Variants in PTGFRN observed in about 807,000 individuals in gnomAD.
PTGFRN encodes the protein prostaglandin F2 receptor inhibitor, also known as prostaglandin F2 receptor negative regulator.
A neutral mutation model predicts 83.2 loss-of-function variants in PTGFRN; 35 were observed. That is an observed-to-expected ratio of 0.42 (90% CI 0.32 to 0.56). The LOEUF is 0.56. Ranked by LOEUF, PTGFRN falls within the 20% of genes least tolerant of loss-of-function variation. The pLI is 0.11. For synonymous variants in PTGFRN, 519 were observed against 498.6 expected, an observed-to-expected ratio of 1.04 and a Z score of -0.55; for missense variants, 1,051 against 1,179.5, an observed-to-expected ratio of 0.89 and a Z score of 1.60.
At chr1:116,925,236 TG>T (rs1312755994) in intron 1 of PTGFRN, among the ~76,000 whole-genome samples, 1 of 152,052 alleles carries the variant, frequency 6.6e-6, no homozygotes, top group Non-Finnish European at 1.5e-5. Context: ...GAGACCACCC[TG>T]GCCAACATGG....
In PTGFRN at chr1:116,967,335, G is replaced by T; in HGVS notation, c.2059+5G>T. The T allele has an allele frequency of 6.2e-7, 1 of 1,605,184 alleles. No individual in the cohort carries two copies. The highest frequency in any genetic ancestry group is 8.5e-7 in the Non-Finnish European group (1 of 1,173,282). ...AGATAGACTTCCAAACCTCAGGTGA[G>T]CAGTGAGCCCTGTTGAATCATAGGT... On this transcript the variant is annotated splice_donor_5th_base_variant and intron_variant, in intron 6 of 8. Coordinates refer to ENST00000393203, the MANE Select transcript of PTGFRN (RefSeq NM_020440.4).
At chr1:116,910,303 G>C in intron 1 of PTGFRN, 51 bp downstream of exon 1, 1 of 1,289,450 alleles carries the variant, frequency 7.8e-7, no homozygotes, top group Non-Finnish European at 9.8e-7. Flanking sequence ...CGAGGCCCTG[G>C]AGGGCTCGGC....
At chr1:116,966,236 T>G (rs953842844) in intron 5 of PTGFRN, among the ~76,000 whole-genome samples, 1 of 152,248 alleles carries the variant, frequency 6.6e-6, no homozygotes, top group Admixed American at 6.5e-5. Flanking sequence ...GTAATCCACT[T>G]AAACCTAAAG....
rs763542266 is a variant in PTGFRN at position 116,949,223 on chromosome 1, T to A, written c.864T>A (p.Ser288=). ...VLRAAVPKNV[S]VAEGKELDLT... ...GAGCAGCTGTGCCCAAGAATGTGTCTGTGGCTGAAGGAAAGGAACTGGACC... is the reference window on the plus strand; with the variant it reads ...GAGCAGCTGTGCCCAAGAATGTGTCAGTGGCTGAAGGAAAGGAACTGGACC... The change falls in exon 4 of 9, where the codon TCT becomes TCA. Residue 288 remains serine, a synonymous_variant. Transcript: ENST00000393203. 3 of 1,604,438 alleles carry A rather than the reference T, an allele frequency of 1.9e-6. No individual in the cohort carries two copies. In the South Asian group the frequency reaches 3.3e-5, roughly 18 times the overall value.
At chr1:116,979,627 T>C (rs1199155326) in intron 7 of PTGFRN, among the ~76,000 whole-genome samples, 26 of 152,188 alleles carry the variant, frequency 1.7e-4, no homozygotes, top group Non-Finnish European at 3.4e-4. Flanking sequence ...GGGAAAGGAT[T>C]CCCTATTTAA....
intron 3 of PTGFRN, among the ~76,000 whole-genome samples, chr1:116,948,248 ATCT>A (rs1650251066): frequency 6.6e-6 from 1 of 152,194 alleles, no homozygotes; most frequent in Non-Finnish European, 1.5e-5. Context: ...CTCTTTTAAA[ATCT>A]TCTGAATAGA....
chr1:116,978,425 A>G (rs1651219860), intron 7 of PTGFRN, among the ~76,000 whole-genome samples: 1 of 152,186 alleles, frequency 6.6e-6, no homozygotes, highest in Admixed American at 6.5e-5. Flanking sequence ...ACAAAAAAAG[A>G]GAATTTTAGA....
chr1:116,971,337 A>G (rs760039845), intron 6 of PTGFRN, among the ~76,000 whole-genome samples: 1 of 151,994 alleles, frequency 6.6e-6, no homozygotes, highest in East Asian at 1.9e-4. Context: ...TGCTTTCATT[A>G]AAAAAACTGC....
Position 116,967,011 on chromosome 1 carries a change from G to T in PTGFRN, c.1740G>T (p.Ser580=). 6.2e-7 allele frequency: 1 copy of T among 1,614,144 alleles called. No homozygotes were observed. Among genetic ancestry groups the T allele is most frequent in the Non-Finnish European group, 8.5e-7 (1 of 1,180,020 alleles). Residue 580 remains serine, a synonymous_variant, in exon 6 of 9, where the codon TCG becomes TCT. Transcript: ENST00000393203. ...AAGTATCTTCCAAGAATATTAAGTCGCCACGCTACTCTGTTCTCATCATGG... is the reference window on the plus strand; with the variant it reads ...AAGTATCTTCCAAGAATATTAAGTCTCCACGCTACTCTGTTCTCATCATGG... The part of the protein sequence containing the change: ...TCKVSSKNIK[S]PRYSVLIMAE...
chr1:116,971,468 C>T (rs999877803), intron 6 of PTGFRN, among the ~76,000 whole-genome samples: 2 of 152,140 alleles, frequency 1.3e-5, no homozygotes, highest in Admixed American at 6.5e-5. Context: ...CTAGTGACTC[C>T]GGTTGTTCAT....
At chr1:116,983,075 T>C (rs1244248782) in intron 7 of PTGFRN, among the ~76,000 whole-genome samples, 1 of 152,234 alleles carries the variant, frequency 6.6e-6, no homozygotes, top group Non-Finnish European at 1.5e-5. Flanking sequence ...GAGTACTTAC[T>C]GTGTTCCAGG....
rs1281102652 is a variant in PTGFRN at position 116,958,698 on chromosome 1, G to A, written c.1214-2545G>A. Reference sequence around the variant, plus strand: ...TAGTTACTGTCATCCCCATTTGTATGGGTGAGGCACCAGAGATCTGAGTAA... The same window carrying A: ...TAGTTACTGTCATCCCCATTTGTATAGGTGAGGCACCAGAGATCTGAGTAA... On this transcript the variant is annotated intron_variant, in intron 4 of 8. Coordinates refer to ENST00000393203, the MANE Select transcript of PTGFRN (RefSeq NM_020440.4). This position sits in a 1 kb window ranked among gnomAD's most constrained non-coding sequence, Gnocchi z 4.9. 6.6e-6 allele frequency among the ~76,000 whole-genome samples: 1 copy of A among 152,114 alleles called. No homozygotes were observed. Among genetic ancestry groups the A allele is most frequent in the Non-Finnish European group, 1.5e-5 (1 of 68,022 alleles).
intron 8 of PTGFRN, 68 bp from the exon 9 acceptor site, chr1:116,986,733 C>G: frequency 1.3e-6 from 2 of 1,502,704 alleles, no homozygotes; most frequent in East Asian, 2.3e-5. Flanking sequence ...GGAAGGGAGG[C>G]GAGGGTGCCC....
intron 1 of PTGFRN, among the ~76,000 whole-genome samples, chr1:116,924,143 AT>A (rs147663868): frequency 0.019 from 2,222 of 116,126 alleles, 21 homozygotes; most frequent in African/African-American, 0.071. Context: ...CTGTGCATGT[AT>A]TTTTTTTTTT....
intron 4 of PTGFRN, among the ~76,000 whole-genome samples, chr1:116,951,273 T>C (rs555570928): frequency 4.6e-5 from 7 of 152,206 alleles, no homozygotes; most frequent in Non-Finnish European, 8.8e-5. Flanking sequence ...TGGAAGGGAT[T>C]TGTTGGTAGC....
chr1:116,974,505 A>G lies in PTGFRN; in HGVS notation c.2167+182A>G, dbSNP rs375952936. ...AAATACATGTTGAGTGGATGCATCT[A>G]TCTGCTAGATGGTTTGGAAATACAT... On this transcript the variant is annotated intron_variant, in intron 7 of 8. Coordinates refer to ENST00000393203, the MANE Select transcript of PTGFRN (RefSeq NM_020440.4). 45 of 474,932 alleles carry G rather than the reference A, an allele frequency of 9.5e-5. No homozygotes were observed. In the Admixed American group the frequency reaches 1.6e-3, roughly 17 times the overall value. 29.4% of individuals were successfully genotyped at this position (474,932 alleles called of 1,614,324 possible).
rs567320753 is a variant in PTGFRN, at chr1:116,914,103, A to G, written c.49+3851A>G. Among the ~76,000 whole-genome samples, 19 of 152,348 alleles carry G rather than the reference A, an allele frequency of 1.2e-4. No homozygotes were observed. In the East Asian group the frequency reaches 3.5e-3, roughly 28 times the overall value. Reference sequence around the variant, plus strand: ...ATGCGAGGGAGATGCTTCAGAGGAAAGGGTTGGGTGGGAACCCTGCTTTAC... The same window carrying G: ...ATGCGAGGGAGATGCTTCAGAGGAAGGGGTTGGGTGGGAACCCTGCTTTAC... On this transcript the variant is annotated intron_variant, in intron 1 of 8. Coordinates refer to ENST00000393203, the MANE Select transcript of PTGFRN (RefSeq NM_020440.4).
intron 1 of PTGFRN, among the ~76,000 whole-genome samples, chr1:116,919,302 G>C (rs750158803): frequency 6.6e-6 from 1 of 152,162 alleles, no homozygotes; most frequent in African/African-American, 2.4e-5. Context: ...GACCAGGTGC[G>C]ATGCAAGAGA....
At chr1:116,950,199 TGGA>T (rs1357809880) in intron 4 of PTGFRN, among the ~76,000 whole-genome samples, 1 of 152,256 alleles carries the variant, frequency 6.6e-6, no homozygotes, top group Non-Finnish European at 1.5e-5. Context: ...GCCGTATATG[TGGA>T]GATCTTTGGC....
Sources: allele counts gnomAD v4.1 joint callset (sites outside exome capture counted in the v4.1 genomes callset), GRCh38; gene constraint gnomAD v4.1.1; non-coding constraint Gnocchi (gnomAD v3.1); transcripts MANE v1.5; gene names NCBI Gene and HGNC (gene_info 2026-07-23, HGNC 2026-07-21).